Variants in DCAF11 observed in about 807,000 individuals in gnomAD.
DCAF11 encodes DDB1 and CUL4 associated factor 11.
A neutral mutation model predicts 76.1 loss-of-function variants in DCAF11; 44 were observed. The observed-to-expected ratio is 0.58, with a 90% CI of 0.45 to 0.74. The LOEUF is 0.74. Ranked by LOEUF, DCAF11 falls within the 30% of genes least tolerant of loss-of-function variation. The pLI is 0.00. For missense variants in DCAF11, 604 were observed against 709.4 expected (o/e 0.85, Z 1.69); for synonymous variants, 258 against 255.0 (o/e 1.01, Z -0.11).
chr14:24,119,027 C>T, intron 8 of DCAF11, 118 bp from the exon 9 acceptor site: 1 of 1,321,042 alleles, frequency 7.6e-7, no homozygotes, highest in Non-Finnish European at 1.1e-6. Flanking sequence ...CATTATGGTG[C>T]ATGTTAGCCA....
intron 7 of DCAF11, 23 bp downstream of exon 7, chr14:24,118,557 C>G (rs747610297): frequency 8.1e-6 from 13 of 1,609,660 alleles, no homozygotes; most frequent in Non-Finnish European, 1.1e-5. Context: ...CAGGCTTCCA[C>G]TGACTCTCCA....
Position 24,118,119 on chromosome 14 carries a change from A to G in DCAF11, c.541A>G (p.Ser181Gly), listed in dbSNP as rs575893059. 1.2e-6 allele frequency: 2 copies of G among 1,613,252 alleles called. No individual in the cohort carries two copies. The highest frequency in any genetic ancestry group is 2.2e-5 in the East Asian group (1 of 44,874). The change falls in exon 6 of 15, where the codon AGC becomes GGC. Residue 181 changes from serine (S) to glycine (G), a missense_variant. By Grantham distance (56) the Ser-to-Gly change is moderately conservative (BLOSUM62 0). Transcript: ENST00000446197. Reference sequence around the variant, plus strand: ...TCAGAAGGCTTTCTGTGGCATCTACAGCAAAGATGGTCAAATATTCATGTC... The same window carrying G: ...TCAGAAGGCTTTCTGTGGCATCTACGGCAAAGATGGTCAAATATTCATGTC... Reference protein sequence around the residue: ...YSQKAFCGIYSKDGQIFMSAC... With the variant: ...YSQKAFCGIYGKDGQIFMSAC...
Position 24,123,347 on chromosome 14 carries a change from T to G in DCAF11, c.*38T>G. ...GCCCCATATAGGGTGAACCTCTTGA[T>G]AAGCTCTCTGCCTCCTCCTCCCTTT... On this transcript the variant is annotated 3_prime_UTR_variant, in exon 15 of 15. Transcript: ENST00000446197. 1 of 1,504,870 alleles carries G rather than the reference T, an allele frequency of 6.6e-7. No individual in the cohort carries two copies. Among genetic ancestry groups the G allele is most frequent in the Non-Finnish European group, 8.9e-7 (1 of 1,126,360 alleles). The allele number at this position is 1,504,870 out of a possible 1,614,324, so 93.2% of individuals were successfully genotyped here.
Position 24,124,004 on chromosome 14 carries a change from C to G in DCAF11, c.*695C>G, listed in dbSNP as rs2037738205. ...CTTCGTCCTCTCACTGGCTTTGGCT[C>G]CCTCAATAAACTGTGTGGGAACCTG... On this transcript the variant is annotated 3_prime_UTR_variant, in exon 15 of 15. Coordinates refer to ENST00000446197, the MANE Select transcript of DCAF11 (RefSeq NM_025230.5). 1 of 152,198 alleles carries G rather than the reference C, an allele frequency of 6.6e-6. No individual in the cohort carries two copies. The highest frequency in any genetic ancestry group is 2.1e-4 in the South Asian group (1 of 4,830). 9.4% of individuals were successfully genotyped at this position (152,198 alleles called of 1,614,324 possible).
Position 24,117,940 on chromosome 14 carries a change from AC to A in DCAF11, c.477-114del. On this transcript the variant is annotated intron_variant, in intron 5 of 14. Transcript: ENST00000446197. The surrounding 1 kb of genome is among the most constrained non-coding windows in gnomAD (Gnocchi z 4.3). Reference sequence around the variant, plus strand: ...ATGGTTGAAAGACGGGATTGCACTCACAGCCAAAAGGGAAGAATGACTGTTC... The same window carrying A: ...ATGGTTGAAAGACGGGATTGCACTCAAGCCAAAAGGGAAGAATGACTGTTC... 1.1e-6 allele frequency: 1 copy of A among 929,508 alleles called. No individual in the cohort carries two copies. Among genetic ancestry groups the A allele is most frequent in the Non-Finnish European group, 1.7e-6 (1 of 602,264 alleles). The allele number at this position is 929,508 out of a possible 1,614,324, so 57.6% of individuals were successfully genotyped here.
In DCAF11 at chr14:24,119,691, C is replaced by T; in HGVS notation, c.907-20C>T. Reference sequence around the variant, plus strand: ...AAGACCTAGAAAGAGGTCTTATATCCTGGCCTCCTTTTCGCCTAGATTGAG... The same window carrying T: ...AAGACCTAGAAAGAGGTCTTATATCTTGGCCTCCTTTTCGCCTAGATTGAG... On this transcript the variant is annotated intron_variant, in intron 10 of 14. Transcript: ENST00000446197. 1 of 1,614,196 alleles carries T rather than the reference C, an allele frequency of 6.2e-7. No homozygotes were observed. The highest frequency in any genetic ancestry group is 8.5e-7 in the Non-Finnish European group (1 of 1,180,002).
At chr14:24,121,617 C>T in intron 13 of DCAF11, 100 bp downstream of exon 13, 1 of 1,357,442 alleles carries the variant, frequency 7.4e-7, no homozygotes, top group African/African-American at 1.5e-5. Flanking sequence ...AGCCCAGTGA[C>T]AGCTACAGGT....
chr14:24,114,940 T>C lies in DCAF11; in HGVS notation c.-567T>C. 1 of 986,006 alleles carries C rather than the reference T, an allele frequency of 1.0e-6. No individual in the cohort carries two copies. Among genetic ancestry groups the C allele is most frequent in the Non-Finnish European group, 1.2e-6 (1 of 830,002 alleles). The allele number at this position is 986,006 out of a possible 1,614,324, so 61.1% of individuals were successfully genotyped here. On this transcript the variant is annotated 5_prime_UTR_variant, in exon 1 of 15. Transcript: ENST00000446197. ...CTCCTGGCTGGTGGGTGGTCTCGCG[T>C]GGGGCGGTTACCGCCGGCTTCAGTG...
At position 24,123,195 on chromosome 14, in the gene DCAF11, G is replaced by A; in HGVS notation, c.1527G>A (p.Leu509=). Residue 509 remains leucine, a synonymous_variant, in exon 15 of 15, where the codon CTG becomes CTA. Transcript: ENST00000446197. ...TGCAGTGGGACGGGAACCTGCGTCT[G>A]TGGCAGTACCGCCAGGCTGAGTACT... ...VSSSWDGNLR[L]WQYRQAEYFQ... 6.2e-7 allele frequency: 1 copy of A among 1,607,558 alleles called. No homozygotes were observed. Among genetic ancestry groups the A allele is most frequent in the African/African-American group, 1.3e-5 (1 of 74,960 alleles).
In DCAF11 at chr14:24,120,883, A is replaced by G. The variant is rs1357007280; in HGVS notation, c.1138A>G (p.Lys380Glu). The G allele has an allele frequency of 6.2e-7, 1 of 1,614,192 alleles. No homozygotes were observed. The highest frequency in any genetic ancestry group is 1.7e-5 in the Admixed American group (1 of 60,034). Residue 380 changes from lysine (K) to glutamate (E), a missense_variant, in exon 12 of 15, where the codon AAA becomes GAA. Transcript: ENST00000446197. The part of the protein sequence containing the change: ...LISNSKDQTI[K>E]LWDIRRFSSR... ...CTCCAACTCTAAAGACCAGACCATC[A>G]AACTCTGGGATATCCGACGCTTTTC... is the stretch of plus-strand genomic sequence containing the variant.
Position 24,124,130 on chromosome 14 carries a change from G to C in DCAF11, c.*821G>C, listed in dbSNP as rs887168120. ...ACAGTTCAGCAAAGTCTTCAGATGC[G>C]ATCCTGTGTAGGAGAAAATACCCTT... On this transcript the variant is annotated 3_prime_UTR_variant, in exon 15 of 15. Coordinates refer to ENST00000446197, the MANE Select transcript of DCAF11 (RefSeq NM_025230.5). The C allele has an allele frequency of 6.6e-6, 1 of 152,204 alleles. No individual in the cohort carries two copies. The highest frequency in any genetic ancestry group is 1.5e-5 in the Non-Finnish European group (1 of 68,046). 9.4% of individuals were successfully genotyped at this position (152,204 alleles called of 1,614,324 possible).
intron 13 of DCAF11, chr14:24,122,250 G>C (rs945368773): frequency 6.6e-6 from 1 of 151,848 alleles, no homozygotes; most frequent in Non-Finnish European, 1.5e-5. Flanking sequence ...TGATGTCAGG[G>C]GTTTGAGACC....
At chr14:24,120,777 G>A (rs1487291477) in intron 11 of DCAF11, 61 bp from the exon 12 acceptor site, 1 of 1,595,910 alleles carries the variant, frequency 6.3e-7, no homozygotes, top group East Asian at 2.2e-5. Flanking sequence ...ACGGGAACTA[G>A]ACTGACAGGC....
intron 13 of DCAF11, chr14:24,122,276 G>C (rs2037705236): frequency 6.6e-6 from 1 of 152,098 alleles, no homozygotes. Flanking sequence ...GGCCAACATG[G>C]TGAAGCCCCA....
rs2037607434 is a variant in DCAF11 at position 24,117,643 on chromosome 14, A to G, written c.412-25A>G. The G allele has an allele frequency of 1.2e-6, 2 of 1,609,884 alleles. No individual in the cohort carries two copies. Among genetic ancestry groups the G allele is most frequent in the Non-Finnish European group, 1.7e-6 (2 of 1,177,008 alleles). On this transcript the variant is annotated intron_variant, in intron 4 of 14. Transcript: ENST00000446197. This position sits in a 1 kb window ranked among gnomAD's most constrained non-coding sequence, Gnocchi z 4.3. ...AAGTGGCCCTCTATTTCTGCTAGCA[A>G]TATTCCCCAATCCCTTCCATTTAGA...
intron 7 of DCAF11, 89 bp from the exon 8 acceptor site, chr14:24,118,661 C>G: frequency 1.3e-6 from 2 of 1,597,178 alleles, no homozygotes; most frequent in African/African-American, 1.3e-5. Context: ...CTCCAGTACC[C>G]TTGTCCCCTG....
In DCAF11 at chr14:24,116,881, G is replaced by A. The variant is rs373096009; in HGVS notation, c.156-36G>A. 3.1e-5 allele frequency: 50 copies of A among 1,613,172 alleles called. No homozygotes were observed. In the African/African-American group the frequency reaches 6.4e-4, roughly 21 times the overall value. On this transcript the variant is annotated intron_variant, in intron 2 of 14. Transcript: ENST00000446197. Reference sequence around the variant, plus strand: ...TCTGAATTTGGTTGGTTTGGGGGAAGAAGTCCCCTCCTTTATAATGGGGGT... The same window carrying A: ...TCTGAATTTGGTTGGTTTGGGGGAAAAAGTCCCCTCCTTTATAATGGGGGT...
At position 24,117,299 on chromosome 14, in the gene DCAF11, T is replaced by G; in HGVS notation, c.317T>G (p.Phe106Cys). ...DATPDTRELE[F>C]NEIKTQVELA... is the part of the protein sequence containing the mutation. The stretch of plus-strand genomic sequence containing the variant: ...ACCCCTGACACCCGGGAGCTGGAAT[T>G]CAATGAGATCAAGACACAAGTGGAA... The change falls in exon 4 of 15, where the codon TTC becomes TGC. Residue 106 changes from phenylalanine to cysteine, a missense_variant. Physicochemically the swap from Phe to Cys is radical, Grantham distance 205. Transcript: ENST00000446197. The surrounding 1 kb of genome is among the most constrained non-coding windows in gnomAD (Gnocchi z 4.3). 1 of 1,614,140 alleles carries G rather than the reference T, an allele frequency of 6.2e-7. No individual in the cohort carries two copies. Among genetic ancestry groups the G allele is most frequent in the Non-Finnish European group, 8.5e-7 (1 of 1,180,028 alleles).
chr14:24,115,489 G>A lies in DCAF11; in HGVS notation c.-106G>A, dbSNP rs1336342737. On this transcript the variant is annotated 5_prime_UTR_variant, in exon 2 of 15. Transcript: ENST00000446197. The stretch of plus-strand genomic sequence containing the variant: ...CCCTCCTAGAGATAGCTACTACCCC[G>A]TCTCAGGAGACCCTGGTATTTCTAG... The A allele has an allele frequency of 4.0e-6, 6 of 1,482,068 alleles. No homozygotes were observed. The highest frequency in any genetic ancestry group is 5.4e-6 in the Non-Finnish European group (6 of 1,109,234). 91.8% of individuals were successfully genotyped at this position (1,482,068 alleles called of 1,614,324 possible). A position where few individuals can be genotyped will look rare whatever the true frequency, so the allele number is the denominator to read the frequency against.
Sources: gnomAD v4.1 joint callset for allele counts on GRCh38, gnomAD v4.1.1 for gene constraint, Gnocchi (gnomAD v3.1) non-coding constraint, MANE v1.5 for transcripts, NCBI Gene and HGNC (gene_info 2026-07-23, HGNC 2026-07-21) for gene names.